Variants in FRAS1 observed in about 807,000 individuals in gnomAD.
FRAS1 encodes Fraser extracellular matrix complex subunit 1.
A neutral mutation model predicts 435.2 loss-of-function variants in FRAS1; 290 were observed. That is an observed-to-expected ratio of 0.67 (90% CI 0.61 to 0.73). The LOEUF (loss-of-function observed/expected upper bound fraction) is 0.73. Ranked by LOEUF, FRAS1 falls within the 30% of genes least tolerant of loss-of-function variation. The probability of loss-of-function intolerance (pLI) is 0.00; values close to 1 mark genes in which losing one functional copy is unlikely to be tolerated. For synonymous variants in FRAS1, 1,800 were observed against 1,851.0 expected (o/e 0.97, Z 0.71); for missense variants, 4,860 against 5,001.5 (o/e 0.97, Z 0.85).
chr4:78,489,797 G>A (rs1296323674), intron 59 of FRAS1, among the ~76,000 whole-genome samples: 1 of 151,984 alleles, frequency 6.6e-6, no homozygotes, highest in African/African-American at 2.4e-5. Context: ...TTTGAGAGCA[G>A]GAGGCAGCCG....
intron 39 of FRAS1, 51 bp from the exon 40 acceptor site, chr4:78,438,851 C>G (rs1415213503): frequency 6.4e-6 from 10 of 1,550,770 alleles, no homozygotes; most frequent in Non-Finnish European, 8.8e-6. Flanking sequence ...TGCTGTCTTA[C>G]CTGGCTTGTC....
At chr4:78,319,355 T>C (rs1179249198) in intron 18 of FRAS1, 1 of 460,900 alleles carries the variant, frequency 2.2e-6, no homozygotes, top group South Asian at 1.5e-5. Context: ...AATTGGTCCC[T>C]TCAGGGCAAA....
intron 16 of FRAS1, among the ~76,000 whole-genome samples, chr4:78,316,704 G>A (rs1420990624): frequency 6.6e-6 from 1 of 152,154 alleles, no homozygotes; most frequent in Non-Finnish European, 1.5e-5. Context: ...TCCTGACATT[G>A]TCATATGTTG....
chr4:78,400,634 A>G, intron 29 of FRAS1, 100 bp from the exon 30 acceptor site: 1 of 1,182,268 alleles, frequency 8.5e-7, no homozygotes, highest in Non-Finnish European at 1.2e-6. Context: ...GTCTTATTAG[A>G]CGATCTTTAA....
intron 51 of FRAS1, among the ~76,000 whole-genome samples, chr4:78,471,897 CTT>C (rs1189645110): frequency 6.6e-6 from 1 of 152,206 alleles, no homozygotes; most frequent in Non-Finnish European, 1.5e-5. Flanking sequence ...CTCTCTCTCT[CTT>C]TCTCTTAAAA....
At chr4:78,267,503 G>A (rs1435288693) in intron 9 of FRAS1, 71 bp downstream of exon 9, 4 of 1,420,756 alleles carry the variant, frequency 2.8e-6, no homozygotes, top group Admixed American at 2.1e-5. Flanking sequence ...GGTCCTGCCT[G>A]TTCTTTACTT....
intron 2 of FRAS1, among the ~76,000 whole-genome samples, chr4:78,113,958 T>C (rs1742940937): frequency 6.6e-6 from 1 of 152,218 alleles, no homozygotes; most frequent in African/African-American, 2.4e-5. Context: ...TTTTATGGTT[T>C]TAGGTCTAAC....
chr4:78,236,370 G>A (rs527493928), intron 2 of FRAS1, among the ~76,000 whole-genome samples: 1 of 151,886 alleles, frequency 6.6e-6, no homozygotes, highest in Non-Finnish European at 1.5e-5. Flanking sequence ...GGAACAGGTG[G>A]TGTTTACATG....
intron 1 of FRAS1, among the ~76,000 whole-genome samples, chr4:78,061,589 T>C (rs960159835): frequency 6.6e-6 from 1 of 152,160 alleles, no homozygotes; most frequent in Non-Finnish European, 1.5e-5. Context: ...ATAGACAATA[T>C]GTTTTATTTA....
chr4:78,434,876 A>C (rs945702363), intron 38 of FRAS1, among the ~76,000 whole-genome samples: 27 of 152,142 alleles, frequency 1.8e-4, no homozygotes, highest in African/African-American at 6.5e-4. Context: ...TAATTGACAG[A>C]TGTTTAAAAC....
chr4:78,355,993 A>G (rs1250861283), intron 20 of FRAS1, among the ~76,000 whole-genome samples: 1 of 152,232 alleles, frequency 6.6e-6, no homozygotes, highest in Non-Finnish European at 1.5e-5. Flanking sequence ...ATTAGTTTGT[A>G]GAAAATATGC....
Position 78,396,770 on chromosome 4 carries a change from G to A in FRAS1, c.3976-3964G>A, listed in dbSNP as rs577479827. 8.5e-5 allele frequency among the ~76,000 whole-genome samples: 13 copies of A among 152,182 alleles called. No individual in the cohort carries two copies. The South Asian group carries it at 1.0e-3, about 12-fold the overall frequency. On this transcript the variant is annotated intron_variant, in intron 29 of 73. Transcript: ENST00000512123. ...TTCAAATGATCTGTCTTTTGAGTTC[G>A]TGGATTCATTCTTTTTGATGGAGTT...
intron 58 of FRAS1, among the ~76,000 whole-genome samples, chr4:78,485,765 A>C (rs912353318): frequency 6.6e-6 from 1 of 152,208 alleles, no homozygotes. Flanking sequence ...TTAAAATCCA[A>C]GTCTGCTCTA....
chr4:78,335,754 A>C (rs569218337), intron 19 of FRAS1, among the ~76,000 whole-genome samples: 51 of 152,320 alleles, frequency 3.3e-4, no homozygotes, highest in African/African-American at 1.1e-3. Flanking sequence ...TTCCTTCTTT[A>C]ACATGTCAGT....
chr4:78,194,240 G>A (rs10031171), intron 2 of FRAS1, among the ~76,000 whole-genome samples: 144,848 of 152,234 alleles, frequency 0.95, 69,310 homozygotes, highest in East Asian at 1. Flanking sequence ...GAATCTGACA[G>A]TTAGGTATCT....
intron 2 of FRAS1, among the ~76,000 whole-genome samples, chr4:78,211,801 A>AT: frequency 6.6e-6 from 1 of 152,248 alleles, no homozygotes; most frequent in East Asian, 1.9e-4. Context: ...ATGTTTCTCA[A>AT]TTTTTTAAAT....
chr4:78,441,115 G>A (rs1366434847), intron 40 of FRAS1, 47 bp from the exon 41 acceptor site: 4 of 1,601,594 alleles, frequency 2.5e-6, no homozygotes, highest in Non-Finnish European at 3.4e-6. Flanking sequence ...TTTTTACTGT[G>A]GTTATGTGAA....
chr4:78,367,530 G>A (rs938181383), intron 22 of FRAS1, among the ~76,000 whole-genome samples: 3 of 152,090 alleles, frequency 2.0e-5, no homozygotes, highest in South Asian at 2.1e-4. Flanking sequence ...GGCATTCGGG[G>A]ACCTCATTTT....
chr4:78,370,627 T>G (rs934834529), intron 23 of FRAS1, among the ~76,000 whole-genome samples: 1 of 152,216 alleles, frequency 6.6e-6, no homozygotes. Context: ...AACTTGAGAT[T>G]GCTACCTCCA....
Sources: allele counts gnomAD v4.1 joint callset (sites outside exome capture counted in the v4.1 genomes callset), GRCh38; gene constraint gnomAD v4.1.1; transcripts MANE v1.5; gene names NCBI Gene and HGNC (gene_info 2026-07-23, HGNC 2026-07-21).